Variants in PSMA8 observed in about 807,000 individuals in gnomAD.
PSMA8 encodes the protein proteasome subunit alpha-type 8.
Under a neutral mutation model 32.4 loss-of-function variants are expected in PSMA8, and 18 were observed. The observed-to-expected ratio is 0.56, with a 90% CI of 0.38 to 0.82. The LOEUF is 0.82. Ranked by LOEUF, PSMA8 falls within the 40% of genes least tolerant of loss-of-function variation. PSMA8 has a pLI of 0.00. For missense variants in PSMA8, 298 were observed against 300.7 expected (o/e 0.99, Z 0.07); for synonymous variants, 104 against 98.1 (o/e 1.06, Z -0.36).
At chr18:26,152,170 C>G (rs977459777) in intron 3 of PSMA8, among the ~76,000 whole-genome samples, 188 bp downstream of exon 3, 6 of 151,886 alleles carry the variant, frequency 4.0e-5, no homozygotes, top group Non-Finnish European at 7.4e-5. Flanking sequence ...CACTAGAAAT[C>G]TGGATCAGTA....
chr18:26,170,808 A>G, intron 4 of PSMA8: 1 of 1,558,468 alleles, frequency 6.4e-7, no homozygotes. Context: ...GTATTCTGGC[A>G]GAAGTTTATA....
chr18:26,190,643 G>A (rs779459783), intron 6 of PSMA8, among the ~76,000 whole-genome samples: 2 of 152,168 alleles, frequency 1.3e-5, no homozygotes, highest in Non-Finnish European at 1.5e-5. Flanking sequence ...CAGCTACTCC[G>A]GTTGCTGAGG....
intron 4 of PSMA8, among the ~76,000 whole-genome samples, chr18:26,175,385 T>C (rs1474643344): frequency 2.0e-5 from 3 of 152,198 alleles, no homozygotes; most frequent in African/African-American, 7.2e-5. Context: ...GGCTGCATTG[T>C]AGTCGCAATA....
At chr18:26,149,690 C>T (rs186244512) in intron 2 of PSMA8, among the ~76,000 whole-genome samples, 1 of 152,158 alleles carries the variant, frequency 6.6e-6, no homozygotes, top group East Asian at 1.9e-4. Context: ...GGGGAAAAGA[C>T]AATCTTCTAA....
At chr18:26,142,066 G>T (rs1268183718) in intron 1 of PSMA8, among the ~76,000 whole-genome samples, 3 of 137,616 alleles carry the variant, frequency 2.2e-5, no homozygotes, top group South Asian at 2.3e-4. Flanking sequence ...TTGAGATGGA[G>T]TCTCTCTCTG....
chr18:26,144,525 A>G, intron 1 of PSMA8, 34 bp from the exon 2 acceptor site: 1 of 1,578,326 alleles, frequency 6.3e-7, no homozygotes, highest in Non-Finnish European at 8.7e-7. Flanking sequence ...TTAAACTGAC[A>G]TCTGAATATA....
intron 3 of PSMA8, among the ~76,000 whole-genome samples, chr18:26,157,385 T>G (rs895589705): frequency 2.3e-4 from 34 of 146,700 alleles, no homozygotes; most frequent in African/African-American, 8.8e-4. Context: ...GGTGAAACCC[T>G]GTCTCTTAAA....
intron 4 of PSMA8, among the ~76,000 whole-genome samples, chr18:26,163,071 A>C (rs572877451): frequency 7.9e-5 from 12 of 151,470 alleles, no homozygotes; most frequent in Non-Finnish European, 1.8e-4. Context: ...TTTTTATTAC[A>C]TATTAAATAC....
intron 4 of PSMA8, among the ~76,000 whole-genome samples, chr18:26,162,898 G>T (rs8093606): frequency 1.3e-5 from 2 of 151,648 alleles, no homozygotes; most frequent in Non-Finnish European, 2.9e-5. Context: ...AAATCCTAAA[G>T]GTCCAGAAAT....
intron 4 of PSMA8, 134 bp downstream of exon 4, chr18:26,158,378 G>A (rs758300708): frequency 3.8e-5 from 27 of 715,508 alleles, no homozygotes; most frequent in South Asian, 1.3e-4. Flanking sequence ...TATTCAGCTC[G>A]TCAGAAACTA....
chr18:26,148,439 A>G (rs913930772), intron 2 of PSMA8, among the ~76,000 whole-genome samples: 25 of 152,082 alleles, frequency 1.6e-4, no homozygotes, highest in Admixed American at 1.3e-3. Flanking sequence ...AATTATATAG[A>G]AAATGCATTT....
intron 3 of PSMA8, among the ~76,000 whole-genome samples, chr18:26,153,355 A>G (rs1328224008): frequency 1.3e-5 from 2 of 151,954 alleles, no homozygotes; most frequent in East Asian, 3.9e-4. Flanking sequence ...ATTTTTTAGT[A>G]TGGGATTATG....
chr18:26,148,652 G>A (rs908002210), intron 2 of PSMA8, among the ~76,000 whole-genome samples: 1 of 152,062 alleles, frequency 6.6e-6, no homozygotes, highest in Non-Finnish European at 1.5e-5. Context: ...ACATAGTAAT[G>A]AAAGTCTTAG....
chr18:26,148,436 T>C (rs1171560171), intron 2 of PSMA8, among the ~76,000 whole-genome samples: 1 of 151,892 alleles, frequency 6.6e-6, no homozygotes, highest in Non-Finnish European at 1.5e-5. Flanking sequence ...ATAAATTATA[T>C]AGAAAATGCA....
intron 4 of PSMA8, among the ~76,000 whole-genome samples, chr18:26,159,736 A>G (rs56207535): frequency 3.7e-4 from 56 of 152,064 alleles, no homozygotes; most frequent in Non-Finnish European, 6.6e-4. Flanking sequence ...TTTGTTGATC[A>G]TCTTGGTCTG....
intron 1 of PSMA8, among the ~76,000 whole-genome samples, chr18:26,144,312 C>A (rs933887435): frequency 7.9e-5 from 12 of 152,144 alleles, no homozygotes; most frequent in Admixed American, 7.2e-4. Context: ...GAGATTAGGA[C>A]ACTCATAATT....
intron 4 of PSMA8, among the ~76,000 whole-genome samples, chr18:26,176,235 AT>A (rs1265208490): frequency 1.3e-5 from 2 of 152,188 alleles, no homozygotes; most frequent in East Asian, 3.8e-4. Context: ...GAAGAAGTGG[AT>A]AGGAAAGTCA....
intron 4 of PSMA8, among the ~76,000 whole-genome samples, chr18:26,169,176 T>C (rs1386941196): frequency 1.5e-5 from 2 of 131,462 alleles, no homozygotes; most frequent in Non-Finnish European, 3.0e-5. Flanking sequence ...GAGATGGGGC[T>C]TCGCCATGTT....
At chr18:26,179,275 G>A (rs530672432) in intron 6 of PSMA8, 145 bp downstream of exon 6, 23 of 555,576 alleles carry the variant, frequency 4.1e-5, no homozygotes, top group African/African-American at 3.4e-4. Flanking sequence ...ACCGTCTACC[G>A]GTTTTTTGTT....
Sources: gnomAD v4.1 joint callset for allele counts (sites outside exome capture counted in the v4.1 genomes callset) on GRCh38, gnomAD v4.1.1 for gene constraint, MANE v1.5 for transcripts, NCBI Gene and HGNC (gene_info 2026-07-23, HGNC 2026-07-21) for gene names.